Variants in OVOL2 observed in about 807,000 individuals in gnomAD.
The protein encoded by OVOL2 is transcription factor Ovo-like 2.
A neutral mutation model predicts 18.1 loss-of-function variants in OVOL2; 13 were observed. The observed-to-expected ratio is 0.72, with a 90% CI of 0.47 to 1.14. The LOEUF (loss-of-function observed/expected upper bound fraction) is 1.14, where lower values mean the gene tolerates loss of function less well. Among genes scored for constraint, OVOL2 ranks in the 50% most tolerant of loss-of-function variants. OVOL2 has a pLI of 0.00. For missense variants in OVOL2, 335 were observed against 383.0 expected (o/e 0.87, Z 1.05); for synonymous variants, 166 against 162.7 (o/e 1.02, Z -0.16).
intron 3 of OVOL2, among the ~76,000 whole-genome samples, chr20:18,025,396 C>G (rs6080939): frequency 0.25 from 37,889 of 151,898 alleles, 5,367 homozygotes; most frequent in South Asian, 0.43. Context: ...GGTGAAACCC[C>G]GTCTCTACTG....
At position 18,024,840 on chromosome 20, in the gene OVOL2, CT is replaced by C; in HGVS notation, c.623del (p.Gln208ArgfsTer26). Reference sequence around the variant, plus strand: ...CGCAGACGTAGAGCTTGTCCCGCCGCTGCTTATAGGCATACTGCTGCTGCAC... The same window carrying C: ...CGCAGACGTAGAGCTTGTCCCGCCGCGCTTATAGGCATACTGCTGCTGCAC... Reference protein sequence around the residue: ...HGVQQQYAYKQRRDKLYVCED... With the variant: ...HGVQQQYAYKXRRDKLYVCED... On this transcript the variant is annotated frameshift_variant, in exon 4 of 4. Coordinates refer to ENST00000278780, the MANE Select transcript of OVOL2 (RefSeq NM_021220.4). LOFTEE classifies it high-confidence loss of function. 1 of 1,614,226 alleles carries C rather than the reference CT, an allele frequency of 6.2e-7. No individual in the cohort carries two copies. The highest frequency in any genetic ancestry group is 8.5e-7 in the Non-Finnish European group (1 of 1,180,044).
intron 2 of OVOL2, among the ~76,000 whole-genome samples, chr20:18,052,655 G>T (rs751252947): frequency 6.6e-6 from 1 of 152,178 alleles, no homozygotes; most frequent in Non-Finnish European, 1.5e-5. Context: ...TACAAGACTC[G>T]ATAGAGAGCC....
chr20:18,043,904 T>C (rs961203963), intron 2 of OVOL2, among the ~76,000 whole-genome samples: 6 of 152,158 alleles, frequency 3.9e-5, no homozygotes, highest in African/African-American at 1.4e-4. Context: ...ATGGATCCCA[T>C]TGCTCTGCCA....
chr20:18,051,986 C>T (rs896398199), intron 2 of OVOL2, among the ~76,000 whole-genome samples: 7 of 152,058 alleles, frequency 4.6e-5, no homozygotes, highest in African/African-American at 1.2e-4. Context: ...GTGATCCGCC[C>T]GCCTCGGCCT....
At chr20:18,037,655 A>T (rs2036628619) in intron 3 of OVOL2, among the ~76,000 whole-genome samples, 1 of 152,172 alleles carries the variant, frequency 6.6e-6, no homozygotes. Context: ...GGGTGGGCAG[A>T]GGGTAGGGAG....
chr20:18,033,704 G>A (rs897414824), intron 3 of OVOL2, among the ~76,000 whole-genome samples: 4 of 152,194 alleles, frequency 2.6e-5, no homozygotes, highest in East Asian at 3.9e-4. Flanking sequence ...TGGCACTGCC[G>A]GTCCACTGAC....
chr20:18,057,484 TC>T lies in OVOL2; in HGVS notation c.100+50del, dbSNP rs2036840724. ...TGAGCAGAGAAGACCCGCCACCCCT[TC>T]CCCCACCCCGGGAGCCCAGCGCCCA... On this transcript the variant is annotated intron_variant, in intron 1 of 3. Coordinates refer to ENST00000278780, the MANE Select transcript of OVOL2 (RefSeq NM_021220.4). The surrounding 1 kb of genome is among the most constrained non-coding windows in gnomAD (Gnocchi z 6.3). 1 of 1,529,978 alleles carries T rather than the reference TC, an allele frequency of 6.5e-7. No individual in the cohort carries two copies. The highest frequency in any genetic ancestry group is 8.8e-7 in the Non-Finnish European group (1 of 1,135,504). The allele number at this position is 1,529,978 out of a possible 1,614,324, so 94.8% of individuals were successfully genotyped here.
At chr20:18,039,080 T>A (rs773661000) in intron 3 of OVOL2, among the ~76,000 whole-genome samples, 25 of 152,298 alleles carry the variant, frequency 1.6e-4, no homozygotes, top group South Asian at 6.2e-4. Flanking sequence ...TCCATTTACA[T>A]CAAGCTCAAA....
chr20:18,052,095 C>T (rs1219603263), intron 2 of OVOL2, among the ~76,000 whole-genome samples: 1 of 152,158 alleles, frequency 6.6e-6, no homozygotes, highest in Non-Finnish European at 1.5e-5. Context: ...ATACTGGATG[C>T]TGCAGCTGCA....
At chr20:18,031,401 A>G (rs1395322808) in intron 3 of OVOL2, among the ~76,000 whole-genome samples, 2 of 151,856 alleles carry the variant, frequency 1.3e-5, no homozygotes, top group South Asian at 2.1e-4. Context: ...GTGAAACCCC[A>G]CCTCTACTAA....
chr20:18,045,276 G>A (rs2036715089), intron 2 of OVOL2, among the ~76,000 whole-genome samples: 1 of 152,224 alleles, frequency 6.6e-6, no homozygotes, highest in African/African-American at 2.4e-5. Context: ...GCACATTTGA[G>A]TGGTAGTGAG....
intron 3 of OVOL2, among the ~76,000 whole-genome samples, chr20:18,039,575 T>C (rs1283009313): frequency 1.5e-5 from 2 of 131,902 alleles, no homozygotes; most frequent in Non-Finnish European, 3.1e-5. Context: ...GTGGCTGCAC[T>C]CCAGCCTGGG....
intron 3 of OVOL2, among the ~76,000 whole-genome samples, chr20:18,030,846 C>T (rs1206368839): frequency 1.3e-5 from 2 of 152,174 alleles, no homozygotes; most frequent in Admixed American, 1.3e-4. Flanking sequence ...GTAAACGCCA[C>T]CATTCACCCC....
At position 18,056,435 on chromosome 20, in the gene OVOL2, G is replaced by A. The variant is rs2036825717; in HGVS notation, c.321+222C>T. 1.3e-5 allele frequency among the ~76,000 whole-genome samples: 2 copies of A among 152,068 alleles called. No individual in the cohort carries two copies. Among genetic ancestry groups the A allele is most frequent in the African/African-American group, 2.4e-5 (1 of 41,434 alleles). ...CCACCGGGAGGACGGAGCCCACTCC[G>A]GGAACCGGCCGCCCCTGCGCAGCAG... On this transcript the variant is annotated intron_variant, in intron 2 of 3. Transcript: ENST00000278780. The surrounding 1 kb of genome is among the most constrained non-coding windows in gnomAD (Gnocchi z 4.2).
In OVOL2 at chr20:18,057,438, TG is replaced by T. The variant is rs1470322471; in HGVS notation, c.100+96del. 9 of 1,386,954 alleles carry T rather than the reference TG, an allele frequency of 6.5e-6. No homozygotes were observed. The African/African-American group carries it at 1.2e-4, about 18-fold the overall frequency. The allele number at this position is 1,386,954 out of a possible 1,614,324, so 85.9% of individuals were successfully genotyped here. On this transcript the variant is annotated intron_variant, in intron 1 of 3. Coordinates refer to ENST00000278780, the MANE Select transcript of OVOL2 (RefSeq NM_021220.4). The surrounding 1 kb of genome is among the most constrained non-coding windows in gnomAD (Gnocchi z 6.3). ...TGCCCCCCGGAAGAGGGGGATGAGG[TG>T]GGGAGCCCGCCCCTGCCGATGAGCA...
In OVOL2 at chr20:18,041,544, G is replaced by A. The variant is rs1428425142; in HGVS notation, c.501C>T (p.Arg167=). ...GCACTCCCCGCTCACCTGTGTGTGT[G>A]CGGACGTGCCTCTTCAGGTCGAAGG... The part of the protein sequence containing the change: ...NDTFDLKRHV[R]THTGIRPYKC... The change falls in exon 3 of 4, where the codon CGC becomes CGT. Residue 167 remains arginine (R), a synonymous_variant. Transcript: ENST00000278780. 2.5e-6 allele frequency: 4 copies of A among 1,612,474 alleles called. No homozygotes were observed. The highest frequency in any genetic ancestry group is 3.4e-6 in the Non-Finnish European group (4 of 1,178,714).
In OVOL2 at chr20:18,057,768, C is replaced by T. The variant is rs2036844818; in HGVS notation, c.-134G>A. On this transcript the variant is annotated 5_prime_UTR_variant, in exon 1 of 4. Coordinates refer to ENST00000278780, the MANE Select transcript of OVOL2 (RefSeq NM_021220.4). The surrounding 1 kb of genome is among the most constrained non-coding windows in gnomAD (Gnocchi z 6.3). ...GCCTCGCCTGCCCTCTTCCTCCACC[C>T]CCCGCCGCGGCGCGGCCCAGGCCTC... The T allele has an allele frequency of 1.3e-5, 18 of 1,410,744 alleles. No individual in the cohort carries two copies. The highest frequency in any genetic ancestry group is 1.7e-5 in the Non-Finnish European group (18 of 1,090,586). 87.4% of individuals were successfully genotyped at this position (1,410,744 alleles called of 1,614,324 possible).
chr20:18,029,170 G>A (rs1162775176), intron 3 of OVOL2, among the ~76,000 whole-genome samples: 1 of 152,044 alleles, frequency 6.6e-6, no homozygotes, highest in East Asian at 1.9e-4. Context: ...GGGACCACAG[G>A]TGCCTGCTAC....
At chr20:18,035,179 A>G (rs1468801455) in intron 3 of OVOL2, among the ~76,000 whole-genome samples, 1 of 152,224 alleles carries the variant, frequency 6.6e-6, no homozygotes, top group Admixed American at 6.5e-5. Context: ...AGGCGGGTGC[A>G]GTGGCTCACG....
Sources: gnomAD v4.1 joint callset for allele counts (sites outside exome capture counted in the v4.1 genomes callset) on GRCh38, gnomAD v4.1.1 for gene constraint, Gnocchi (gnomAD v3.1) non-coding constraint, MANE v1.5 for transcripts, NCBI Gene and HGNC (gene_info 2026-07-23, HGNC 2026-07-21) for gene names.